PCDHGB4: variants seen among roughly 807,000 people sequenced by gnomAD.
PCDHGB4 encodes the protein protocadherin gamma subfamily B, 4, also known as protocadherin gamma-B4.
PCDHGB4 carries 38 observed loss-of-function variants against 60.5 expected under a neutral mutation model. That is an observed-to-expected ratio of 0.63 (90% CI 0.48 to 0.82). The LOEUF is 0.82. Among genes scored for constraint, PCDHGB4 ranks in the 40% least tolerant of loss-of-function variants. The pLI is 0.00. For synonymous variants in PCDHGB4, 456 were observed against 509.7 expected, an observed-to-expected ratio of 0.89 and a Z score of 1.42; for missense variants, 1,109 against 1,209.6, an observed-to-expected ratio of 0.92 and a Z score of 1.23.
In PCDHGB4 at chr5:141,390,041, C is replaced by T. The variant is rs373243233; in HGVS notation, c.2157C>T (p.Pro719=). 1.2e-6 allele frequency: 2 copies of T among 1,614,058 alleles called. No individual in the cohort carries two copies. Among genetic ancestry groups the T allele is most frequent in the Non-Finnish European group, 1.7e-6 (2 of 1,179,906 alleles). ...TGCGCCTGCGACGCTCCTCCAGCCC[C>T]GCCTCCTGGAGCTGCTTCCAGCCTG... ...IALRLRRSSS[P]ASWSCFQPGL... The change falls in exon 1 of 4, where the codon CCC becomes CCT. Residue 719 remains proline (P), a synonymous_variant. Coordinates refer to ENST00000519479, the MANE Select transcript of PCDHGB4 (RefSeq NM_003736.4).
chr5:141,474,961 A>G (rs1395755491), intron 1 of PCDHGB4, among the ~76,000 whole-genome samples: 1 of 152,254 alleles, frequency 6.6e-6, no homozygotes, highest in South Asian at 2.1e-4. Flanking sequence ...TCACTATCCT[A>G]ATCATTATAA....
intron 1 of PCDHGB4, chr5:141,409,541 G>T: frequency 6.2e-7 from 1 of 1,613,970 alleles, no homozygotes; most frequent in Non-Finnish European, 8.5e-7. Context: ...TGACATCAAC[G>T]ACAACGCCCC....
chr5:141,502,516 A>G (rs947349505), intron 2 of PCDHGB4, among the ~76,000 whole-genome samples: 1 of 152,146 alleles, frequency 6.6e-6, no homozygotes, highest in African/African-American at 2.4e-5. Flanking sequence ...TCCCACTATC[A>G]GTGATGCCGA....
chr5:141,400,167 C>A, intron 1 of PCDHGB4: 1 of 1,614,082 alleles, frequency 6.2e-7, no homozygotes, highest in Non-Finnish European at 8.5e-7. Flanking sequence ...CCTCTGACCC[C>A]CAGGCTGAGC....
At chr5:141,469,044 A>C (rs1247890388) in intron 1 of PCDHGB4, among the ~76,000 whole-genome samples, 1 of 152,128 alleles carries the variant, frequency 6.6e-6, no homozygotes, top group East Asian at 1.9e-4. Context: ...TGGGAGGCCA[A>C]GGTGGGAGGA....
intron 1 of PCDHGB4, chr5:141,402,915 CAG>C: frequency 6.4e-7 from 1 of 1,564,688 alleles, no homozygotes; most frequent in Non-Finnish European, 8.7e-7. Flanking sequence ...GCAGCGCGCA[CAG>C]AGATCCTTTT....
intron 3 of PCDHGB4, among the ~76,000 whole-genome samples, chr5:141,509,568 C>T (rs535982453): frequency 3.3e-5 from 5 of 152,336 alleles, no homozygotes; most frequent in Admixed American, 2.0e-4. Flanking sequence ...GCAGCCTTCA[C>T]AGTGCGTACA....
rs183257097 is a variant in PCDHGB4 at position 141,389,274 on chromosome 5, C to G, written c.1390C>G (p.Pro464Ala). 189 of 1,614,032 alleles carry G rather than the reference C, an allele frequency of 1.2e-4. 1 individual carries two copies. In the East Asian group the frequency reaches 4.2e-3, roughly 36 times the overall value. The change falls in exon 1 of 4, where the codon CCG (proline) becomes GCG (alanine). Residue 464 changes from proline (P) to alanine (A), a missense_variant. Pro to Ala is a conservative substitution (Grantham distance 27, BLOSUM62 -1). This residue lies in a region of PCDHGB4 where 1,068 missense variants were observed against 1,089.9 expected (regional missense o/e 0.98). Coordinates refer to ENST00000519479, the MANE Select transcript of PCDHGB4 (RefSeq NM_003736.4). ...TATAGTCCACGTGGCCGAGAACAACCCGCCTGGAGCCTCTATTTCACAAGT... is the reference window on the plus strand; with the variant it reads ...TATAGTCCACGTGGCCGAGAACAACGCGCCTGGAGCCTCTATTTCACAAGT... ...SYIVHVAENN[P>A]PGASISQVRA...
intron 1 of PCDHGB4, chr5:141,421,424 G>A: frequency 6.2e-7 from 1 of 1,614,092 alleles, no homozygotes. Context: ...CGCGGAGTCC[G>A]CATCGTCTCC....
chr5:141,420,044 T>C lies in PCDHGB4; in HGVS notation c.2397+29763T>C, dbSNP rs769790599. 1.7e-5 allele frequency: 27 copies of C among 1,613,934 alleles called. No individual in the cohort carries two copies. In the East Asian group the frequency reaches 6.0e-4, roughly 36 times the overall value. On this transcript the variant is annotated intron_variant, in intron 1 of 3. Coordinates refer to ENST00000519479, the MANE Select transcript of PCDHGB4 (RefSeq NM_003736.4). ...CCCTACTGCAGGAGACTGCTTTGAG[T>C]CAGTTCTCTGCTCCAAGTCCGGACC...
At chr5:141,418,307 A>C (rs372854408) in intron 1 of PCDHGB4, 24 of 1,613,982 alleles carry the variant, frequency 1.5e-5, no homozygotes, top group Non-Finnish European at 2.0e-5. Context: ...CAGCCTGGGG[A>C]TGGGAACAAT....
intron 1 of PCDHGB4, among the ~76,000 whole-genome samples, chr5:141,460,478 A>G (rs989135238): frequency 6.6e-5 from 10 of 152,136 alleles, no homozygotes; most frequent in African/African-American, 2.4e-4. Context: ...GGAATATCCA[A>G]TTGTCTCTTT....
intron 1 of PCDHGB4, among the ~76,000 whole-genome samples, chr5:141,470,694 ATAATTT>A (rs2099236876): frequency 6.6e-6 from 1 of 151,978 alleles, no homozygotes; most frequent in African/African-American, 2.4e-5. Context: ...GAAATTCTTA[ATAATTT>A]TTATTTTATT....
chr5:141,462,792 G>C (rs2099046915), intron 1 of PCDHGB4, among the ~76,000 whole-genome samples: 1 of 152,080 alleles, frequency 6.6e-6, no homozygotes, highest in Admixed American at 6.6e-5. Flanking sequence ...TTGCTTATTT[G>C]CATGTCTAAT....
chr5:141,468,330 C>CAAAAAAAAAAA (rs533390277), intron 1 of PCDHGB4: 4 of 79,798 alleles, frequency 5.0e-5, no homozygotes, highest in Non-Finnish European at 1.1e-4. Flanking sequence ...AACTCCATCT[C>CAAAAAAAAAAA]AAAAAAAAAA....
In PCDHGB4 at chr5:141,429,386, T is replaced by A. The variant is rs534045300; in HGVS notation, c.2397+39105T>A. Among the ~76,000 whole-genome samples the A allele has an allele frequency of 4.0e-3, 602 of 151,936 alleles. 6 individuals carry two copies. The highest frequency in any genetic ancestry group is 0.011 in the Admixed American group (171 of 15,268). On this transcript the variant is annotated intron_variant, in intron 1 of 3. Coordinates refer to ENST00000519479, the MANE Select transcript of PCDHGB4 (RefSeq NM_003736.4). ...AAAATGGAGAAAATGTGTTTTTTTTTTAAAAAAAATTGAGATTAAGGTCTC... is the reference window on the plus strand; with the variant it reads ...AAAATGGAGAAAATGTGTTTTTTTTATAAAAAAAATTGAGATTAAGGTCTC...
chr5:141,404,705 G>A, intron 1 of PCDHGB4: 2 of 1,614,108 alleles, frequency 1.2e-6, no homozygotes, highest in South Asian at 2.2e-5. Flanking sequence ...TGCAGAGCCT[G>A]GCTACCTGGT....
rs570083634 is a variant in PCDHGB4, at chr5:141,427,859, C to G, written c.2397+37578C>G. 25 of 1,556,390 alleles carry G rather than the reference C, an allele frequency of 1.6e-5. No homozygotes were observed. The Admixed American group carries it at 2.0e-4, about 13-fold the overall frequency. ...CCTTCGACCACGAGCAGCTGTGCGC[C>G]TTCGAGCTCACGATGCAGGCCCACG... On this transcript the variant is annotated intron_variant, in intron 1 of 3. Coordinates refer to ENST00000519479, the MANE Select transcript of PCDHGB4 (RefSeq NM_003736.4).
intron 1 of PCDHGB4, chr5:141,417,624 G>A (rs2096138947): frequency 1.5e-6 from 1 of 672,584 alleles, no homozygotes; most frequent in Non-Finnish European, 2.4e-6. Flanking sequence ...CAGAGCAAGC[G>A]CTGACGCCGG....
Sources: gnomAD v4.1 joint callset for allele counts (sites outside exome capture counted in the v4.1 genomes callset) on GRCh38, gnomAD v4.1.1 for gene constraint, gnomAD v4.1.1 regional missense constraint, MANE v1.5 for transcripts, NCBI Gene and HGNC (gene_info 2026-07-23, HGNC 2026-07-21) for gene names.